TGM3: variants seen among roughly 807,000 people sequenced by gnomAD.
The protein encoded by TGM3 is transglutaminase 3.
A neutral mutation model predicts 73.8 loss-of-function variants in TGM3; 52 were observed. The observed-to-expected ratio is 0.70, with a 90% CI of 0.56 to 0.89. The LOEUF (loss-of-function observed/expected upper bound fraction) is 0.89, where lower values mean the gene tolerates loss of function less well. TGM3 is among the 40% of genes least tolerant of loss of function. The probability of loss-of-function intolerance (pLI) is 0.00; values close to 1 mark genes in which losing one functional copy is unlikely to be tolerated. For missense variants in TGM3, 928 were observed against 909.9 expected, an observed-to-expected ratio of 1.02 and a Z score of -0.26; for synonymous variants, 372 against 354.9, an observed-to-expected ratio of 1.05 and a Z score of -0.54.
chr20:2,305,732 A>G (rs998844223), intron 1 of TGM3, among the ~76,000 whole-genome samples: 12 of 152,194 alleles, frequency 7.9e-5, no homozygotes, highest in Non-Finnish European at 1.8e-4. Flanking sequence ...TGATGAGTGC[A>G]AATGCGAGCT....
Position 2,340,075 on chromosome 20 carries a change from C to A in TGM3, c.1934+88C>A. The A allele has an allele frequency of 4.1e-6, 6 of 1,476,056 alleles. No homozygotes were observed. In the South Asian group the frequency reaches 7.3e-5, roughly 18 times the overall value. The allele number at this position is 1,476,056 out of a possible 1,614,324, so 91.4% of individuals were successfully genotyped here. On this transcript the variant is annotated intron_variant, in intron 12 of 12. Transcript: ENST00000381458. Reference sequence around the variant, plus strand: ...TCCCCTGGGTGGGACAGACAGAGCTCCCTCTGACCTTGGGTTCTTTACTCT... The same window carrying A: ...TCCCCTGGGTGGGACAGACAGAGCTACCTCTGACCTTGGGTTCTTTACTCT...
Position 2,340,793 on chromosome 20 carries a change from G to T in TGM3, c.*212G>T, listed in dbSNP as rs2084378068. On this transcript the variant is annotated 3_prime_UTR_variant, in exon 13 of 13. Coordinates refer to ENST00000381458, the MANE Select transcript of TGM3 (RefSeq NM_003245.4). ...CCTGTCCTATGACTTGATCACTTTT[G>T]CACATTCCCTGGCCGCTTCTCCCCA... 2 of 705,390 alleles carry T rather than the reference G, an allele frequency of 2.8e-6. No individual in the cohort carries two copies. The highest frequency in any genetic ancestry group is 5.1e-6 in the Non-Finnish European group (2 of 394,122). 43.7% of individuals were successfully genotyped at this position (705,390 alleles called of 1,614,324 possible).
At chr20:2,329,964 G>A (rs1250627848) in intron 9 of TGM3, among the ~76,000 whole-genome samples, 1 of 152,012 alleles carries the variant, frequency 6.6e-6, no homozygotes, top group Non-Finnish European at 1.5e-5. Context: ...GATCCTGTGG[G>A]GTTCCTTACC....
At chr20:2,331,889 G>T in intron 9 of TGM3, 113 bp from the exon 10 acceptor site, 1 of 1,261,006 alleles carries the variant, frequency 7.9e-7, no homozygotes, top group East Asian at 2.4e-5. Context: ...ATGCCTGCTA[G>T]GGCAGCAATG....
At chr20:2,308,522 T>A (rs2084186321) in intron 1 of TGM3, among the ~76,000 whole-genome samples, 1 of 152,158 alleles carries the variant, frequency 6.6e-6, no homozygotes, top group Non-Finnish European at 1.5e-5. Flanking sequence ...TGAGAGTAAA[T>A]CAGGAGGGTG....
intron 7 of TGM3, among the ~76,000 whole-genome samples, chr20:2,321,972 C>T (rs2122233734): frequency 6.6e-6 from 1 of 152,130 alleles, no homozygotes; most frequent in Non-Finnish European, 1.5e-5. Flanking sequence ...CCAGCCTGCC[C>T]TTCCCCTTGG....
chr20:2,298,920 T>A (rs112341750), intron 1 of TGM3, among the ~76,000 whole-genome samples: 25 of 152,244 alleles, frequency 1.6e-4, no homozygotes, highest in African/African-American at 5.5e-4. Context: ...CCCGGCTCCA[T>A]GGCCTTCTTC....
At position 2,301,143 on chromosome 20, in the gene TGM3, A is replaced by G. The variant is rs191775997; in HGVS notation, c.7+5073A>G. The stretch of plus-strand genomic sequence containing the variant: ...CTGCACAGAGCTTGAAAATGTCATG[A>G]TATGTGGGGGAAGTTAAAAGGAAAT... On this transcript the variant is annotated intron_variant, in intron 1 of 12. Coordinates refer to ENST00000381458, the MANE Select transcript of TGM3 (RefSeq NM_003245.4). Among the ~76,000 whole-genome samples the G allele has an allele frequency of 1.9e-3, 282 of 151,852 alleles. 1 individual carries two copies. The highest frequency in any genetic ancestry group is 0.01 in the Middle Eastern group (3 of 294).
At position 2,334,977 on chromosome 20, in the gene TGM3, C is replaced by T. The variant is rs2084340902; in HGVS notation, c.1643-139C>T. ...GGGGGACGCTTCCCACAGGACCTGG[C>T]CCAAGGAGGGCTCAGTCAAGCCCGG... On this transcript the variant is annotated intron_variant, in intron 10 of 12. Coordinates refer to ENST00000381458, the MANE Select transcript of TGM3 (RefSeq NM_003245.4). This position sits in a 1 kb window ranked among gnomAD's most constrained non-coding sequence, Gnocchi z 4.0. The T allele has an allele frequency of 1.0e-5, 11 of 1,082,704 alleles. No homozygotes were observed. The highest frequency in any genetic ancestry group is 4.4e-5 in the Admixed American group (2 of 45,276). The allele number at this position is 1,082,704 out of a possible 1,614,324, so 67.1% of individuals were successfully genotyped here.
intron 4 of TGM3, 25 bp downstream of exon 4, chr20:2,311,154 G>A: frequency 6.3e-7 from 1 of 1,592,432 alleles, no homozygotes; most frequent in Non-Finnish European, 8.6e-7. Flanking sequence ...AGGAAGCTAA[G>A]GGTAATGTCC....
chr20:2,310,240 G>A lies in TGM3; in HGVS notation c.244G>A (p.Gly82Ser). 1 of 1,614,236 alleles carries A rather than the reference G, an allele frequency of 6.2e-7. No individual in the cohort carries two copies. Among genetic ancestry groups the A allele is most frequent in the Non-Finnish European group, 8.5e-7 (1 of 1,180,038 alleles). ...AVFPLSNGSSGGWSAVLQASN... is the reference protein window; with the variant it reads ...AVFPLSNGSSSGWSAVLQASN... ...GTTTCCACTCTCCAATGGCAGTAGT[G>A]GTGGCTGGAGTGCGGTGCTTCAGGC... Residue 82 changes from glycine to serine, a missense_variant, in exon 3 of 13, where the codon GGT (glycine) becomes AGT (serine). Physicochemically the swap from Gly to Ser is moderately conservative, Grantham distance 56. Coordinates refer to ENST00000381458, the MANE Select transcript of TGM3 (RefSeq NM_003245.4).
rs1600695600 is a variant in TGM3, at chr20:2,311,136, G to T, written c.540+7G>T. The T allele has an allele frequency of 5.0e-6, 8 of 1,611,992 alleles. No homozygotes were observed. Among genetic ancestry groups the T allele is most frequent in the African/African-American group, 1.3e-5 (1 of 74,976 alleles). Reference sequence around the variant, plus strand: ...TGGCTGGAACTTTGGACAGGTAAAAGGGTCATAAGGAAGCTAAGGGTAATG... The same window carrying T: ...TGGCTGGAACTTTGGACAGGTAAAATGGTCATAAGGAAGCTAAGGGTAATG... On this transcript the variant is annotated splice_region_variant and intron_variant, in intron 4 of 12. Transcript: ENST00000381458.
chr20:2,309,966 CT>C (rs2084194586), intron 2 of TGM3, 136 bp downstream of exon 2: 60 of 1,399,616 alleles, frequency 4.3e-5, no homozygotes, highest in Non-Finnish European at 5.6e-5. Flanking sequence ...TCAGTGTGGC[CT>C]TGGGCAAGTT....
At chr20:2,324,494 ATCT>A (rs2084276664) in intron 7 of TGM3, among the ~76,000 whole-genome samples, 1 of 152,140 alleles carries the variant, frequency 6.6e-6, no homozygotes, top group East Asian at 1.9e-4. Context: ...TTGGCTGCCT[ATCT>A]TGGGTCACTC....
intron 7 of TGM3, among the ~76,000 whole-genome samples, chr20:2,320,099 T>C (rs2084254991): frequency 1.3e-5 from 2 of 152,232 alleles, no homozygotes; most frequent in Admixed American, 1.3e-4. Flanking sequence ...AGTTTCTGCC[T>C]GGCGTGAAAT....
At chr20:2,311,350 G>A (rs1311074121) in intron 4 of TGM3, among the ~76,000 whole-genome samples, 1 of 152,098 alleles carries the variant, frequency 6.6e-6, no homozygotes, top group African/African-American at 2.4e-5. Context: ...TCTTTGAGGG[G>A]GTTGCAATCT....
In TGM3 at chr20:2,317,502, T is replaced by C. The variant is rs766252464; in HGVS notation, c.983+17T>C. On this transcript the variant is annotated intron_variant, in intron 7 of 12. Coordinates refer to ENST00000381458, the MANE Select transcript of TGM3 (RefSeq NM_003245.4). The stretch of plus-strand genomic sequence containing the variant: ...TAGCGTATGGTAAGTATCTCACCTT[T>C]TCCCTGAACTTCGAGCACCACATTT... The C allele has an allele frequency of 3.1e-6, 5 of 1,613,354 alleles. No homozygotes were observed. In the Admixed American group the frequency reaches 6.7e-5, roughly 22 times the overall value.
chr20:2,332,200 A>T lies in TGM3; in HGVS notation c.1532A>T (p.Asp511Val), dbSNP rs745966739. ...LVLLLKNLSR[D>V]TKTVTVNMTA... ...CTACTGCTCAAAAACCTGAGCAGGG[A>T]TACGAAGACAGTGACAGTGAACATG... is the stretch of plus-strand genomic sequence containing the variant. Residue 511 changes from aspartate (D) to valine (V), a missense_variant, in exon 10 of 13, where the codon GAT (aspartate) becomes GTT (valine). Transcript: ENST00000381458. The surrounding 1 kb of genome is among the most constrained non-coding windows in gnomAD (Gnocchi z 4.4). The T allele has an allele frequency of 5.6e-6, 9 of 1,614,124 alleles. No individual in the cohort carries two copies. Among genetic ancestry groups the T allele is most frequent in the Non-Finnish European group, 7.6e-6 (9 of 1,179,990 alleles).
Position 2,328,486 on chromosome 20 carries a change from A to G in TGM3, c.1333+121A>G, listed in dbSNP as rs2084302932. The G allele has an allele frequency of 1.5e-6, 2 of 1,368,124 alleles. No homozygotes were observed. The highest frequency in any genetic ancestry group is 2.0e-6 in the Non-Finnish European group (2 of 1,004,590). The allele number at this position is 1,368,124 out of a possible 1,614,324, so 84.7% of individuals were successfully genotyped here. ...ACTGGCAGCCAGTTCTGCCTGAATG[A>G]TAGGATTGCTCCCTAGCACCTAACA... On this transcript the variant is annotated intron_variant, in intron 9 of 12. Transcript: ENST00000381458. The surrounding 1 kb of genome is among the most constrained non-coding windows in gnomAD (Gnocchi z 5.2).
Sources: gnomAD v4.1 joint callset for allele counts (sites outside exome capture counted in the v4.1 genomes callset) on GRCh38, gnomAD v4.1.1 for gene constraint, Gnocchi (gnomAD v3.1) non-coding constraint, MANE v1.5 for transcripts, NCBI Gene and HGNC (gene_info 2026-07-23, HGNC 2026-07-21) for gene names.